The following PLPPR5 variants were observed in gnomAD, a reference collection of about 807,000 sequenced individuals.
PLPPR5 encodes phospholipid phosphatase-related protein type 5.
Under a neutral mutation model 33.9 loss-of-function variants are expected in PLPPR5, and 16 were observed. That is an observed-to-expected ratio of 0.47 (90% confidence interval 0.32 to 0.72). The LOEUF (loss-of-function observed/expected upper bound fraction) is 0.72. Among genes scored for constraint, PLPPR5 ranks in the 30% least tolerant of loss-of-function variants. The pLI is 0.03. For missense variants in PLPPR5, 301 were observed against 406.7 expected (o/e 0.74, Z 2.23); for synonymous variants, 163 against 150.3 (o/e 1.08, Z -0.62).
At chr1:98,979,920 C>T (rs975199278) in intron 1 of PLPPR5, among the ~76,000 whole-genome samples, 1 of 152,070 alleles carries the variant, frequency 6.6e-6, no homozygotes, top group African/African-American at 2.4e-5. Context: ...ATATCCGTAA[C>T]TCTGGCTCAG....
At chr1:98,973,604 TTAA>T (rs1265024526) in intron 1 of PLPPR5, among the ~76,000 whole-genome samples, 3 of 151,714 alleles carry the variant, frequency 2.0e-5, no homozygotes, top group African/African-American at 7.3e-5. Context: ...AATGGGAGGA[TTAA>T]TAATATTAAT....
At chr1:98,903,920 C>T (rs1317650872) in intron 5 of PLPPR5, among the ~76,000 whole-genome samples, 3 of 152,158 alleles carry the variant, frequency 2.0e-5, no homozygotes, top group Non-Finnish European at 2.9e-5. Context: ...TCACCATGAC[C>T]ACTGTAATCT....
At position 98,962,238 on chromosome 1, in the gene PLPPR5, ATGT is replaced by A. The variant is rs969465074; in HGVS notation, c.238-5500_238-5498del. Reference sequence around the variant, plus strand: ...ATATATATTTATGGTGTGCAACATAATGTTGTGAAATATGTGAATTATGTAATG... The same window carrying A: ...ATATATATTTATGGTGTGCAACATAATGTGAAATATGTGAATTATGTAATG... On this transcript the variant is annotated intron_variant, in intron 1 of 5. Coordinates refer to ENST00000263177, the MANE Select transcript of PLPPR5 (RefSeq NM_001037317.2). 6.6e-4 allele frequency among the ~76,000 whole-genome samples: 101 copies of A among 152,300 alleles called. 1 individual carries two copies. The highest frequency in any genetic ancestry group is 2.4e-3 in the African/African-American group (99 of 41,560).
chr1:98,901,459 A>G (rs2101136011), intron 5 of PLPPR5, among the ~76,000 whole-genome samples: 1 of 152,212 alleles, frequency 6.6e-6, no homozygotes, highest in South Asian at 2.1e-4. Flanking sequence ...TGCTTTAATA[A>G]ATCCAAATTA....
chr1:98,944,233 C>T (rs1407578297), intron 3 of PLPPR5, among the ~76,000 whole-genome samples: 1 of 152,184 alleles, frequency 6.6e-6, no homozygotes, highest in Non-Finnish European at 1.5e-5. Context: ...AAGTAAAAGA[C>T]AATTACTGCA....
At chr1:98,927,128 C>T (rs757588253) in intron 3 of PLPPR5, among the ~76,000 whole-genome samples, 26 of 152,266 alleles carry the variant, frequency 1.7e-4, no homozygotes, top group Non-Finnish European at 3.1e-4. Flanking sequence ...ATTTTCTATA[C>T]GGTGTTATAA....
chr1:98,928,326 T>C (rs975996343), intron 3 of PLPPR5, among the ~76,000 whole-genome samples: 1 of 151,888 alleles, frequency 6.6e-6, no homozygotes, highest in Admixed American at 6.6e-5. Flanking sequence ...AGAATAAGGA[T>C]TTCAGATGAA....
intron 5 of PLPPR5, among the ~76,000 whole-genome samples, chr1:98,913,856 G>C (rs1649243638): frequency 6.6e-6 from 1 of 152,108 alleles, no homozygotes; most frequent in Non-Finnish European, 1.5e-5. Context: ...ATCCTATGTG[G>C]TTCACAAAAG....
At chr1:98,919,440 G>C (rs1397850772) in intron 4 of PLPPR5, among the ~76,000 whole-genome samples, 1 of 152,148 alleles carries the variant, frequency 6.6e-6, no homozygotes, top group East Asian at 1.9e-4. Flanking sequence ...TGCACACACT[G>C]CAAGATAATT....
chr1:98,968,526 A>G (rs75496285), intron 1 of PLPPR5, among the ~76,000 whole-genome samples: 7 of 152,104 alleles, frequency 4.6e-5, no homozygotes, highest in African/African-American at 1.2e-4. Context: ...CCCTAGGTCA[A>G]TGTTTCTCAA....
intron 1 of PLPPR5, among the ~76,000 whole-genome samples, chr1:98,999,269 A>G (rs1327056762): frequency 6.6e-6 from 1 of 152,230 alleles, no homozygotes; most frequent in African/African-American, 2.4e-5. Flanking sequence ...CACTGCTCTG[A>G]TACTTACACA....
chr1:98,954,208 C>A (rs141124158), intron 2 of PLPPR5, among the ~76,000 whole-genome samples: 1,707 of 152,108 alleles, frequency 0.011, 11 homozygotes, highest in Admixed American at 0.015. Flanking sequence ...TTCTATTATA[C>A]GGGCAAAATA....
At chr1:98,947,647 G>C (rs966236452) in intron 3 of PLPPR5, among the ~76,000 whole-genome samples, 3 of 152,174 alleles carry the variant, frequency 2.0e-5, no homozygotes, top group African/African-American at 7.2e-5. Context: ...TGGGGAAAGG[G>C]AGACAGGGTT....
intron 3 of PLPPR5, among the ~76,000 whole-genome samples, chr1:98,924,537 G>A (rs1421336208): frequency 6.6e-6 from 1 of 152,150 alleles, no homozygotes; most frequent in African/African-American, 2.4e-5. Context: ...CTATTAGGGG[G>A]AAGTGGGAAA....
chr1:98,918,281 T>C (rs1362210991), intron 4 of PLPPR5, among the ~76,000 whole-genome samples: 1 of 152,286 alleles, frequency 6.6e-6, no homozygotes, highest in South Asian at 2.1e-4. Flanking sequence ...TTCAATTTTT[T>C]TAAACCTGCA....
intron 3 of PLPPR5, among the ~76,000 whole-genome samples, chr1:98,939,362 TA>T (rs1650293768): frequency 6.7e-6 from 1 of 148,652 alleles, no homozygotes; most frequent in African/African-American, 2.4e-5. Flanking sequence ...ATGTGCAGAT[TA>T]ATTTTAAATA....
At chr1:98,970,596 G>C (rs1045270085) in intron 1 of PLPPR5, among the ~76,000 whole-genome samples, 10 of 151,526 alleles carry the variant, frequency 6.6e-5, no homozygotes, top group African/African-American at 2.2e-4. Context: ...TTTACCCTAG[G>C]CCAAGTACTG....
At position 98,914,862 on chromosome 1, in the gene PLPPR5, A is replaced by C. The variant is rs746641121; in HGVS notation, c.857T>G (p.Met286Arg). Residue 286 changes from methionine (M) to arginine (R), a missense_variant, in exon 5 of 6, where the codon ATG becomes AGG. Physicochemically the swap from Met to Arg is moderately conservative, Grantham distance 91. Coordinates refer to ENST00000263177, the MANE Select transcript of PLPPR5 (RefSeq NM_001037317.2). ...GRQAENEHIHMDNLAQMPMIS... is the reference protein window; with the variant it reads ...GRQAENEHIHRDNLAQMPMIS... ...CATTGGCATCTGTGCCAGATTATCC[A>C]TGTGTATATGCTCATTTTCTGCTTG... The C allele has an allele frequency of 1.2e-6, 2 of 1,613,144 alleles. No homozygotes were observed. Among genetic ancestry groups the C allele is most frequent in the Non-Finnish European group, 1.7e-6 (2 of 1,179,674 alleles).
At chr1:98,924,757 T>G (rs1649692841) in intron 3 of PLPPR5, among the ~76,000 whole-genome samples, 1 of 152,068 alleles carries the variant, frequency 6.6e-6, no homozygotes, top group Admixed American at 6.6e-5. Flanking sequence ...CCCTAATGAC[T>G]CAAGCAAGGT....
Sources: allele counts gnomAD v4.1 joint callset (sites outside exome capture counted in the v4.1 genomes callset), GRCh38; gene constraint gnomAD v4.1.1; transcripts MANE v1.5; gene names NCBI Gene and HGNC (gene_info 2026-07-23, HGNC 2026-07-21).